ETFB: variants seen among roughly 807,000 people sequenced by gnomAD.
The protein encoded by ETFB is beta-ETF.
ETFB carries 20 observed loss-of-function variants against 25.6 expected under a neutral mutation model. The ratio of observed to expected loss-of-function variants is 0.78; its 90% CI spans 0.55 to 1.14. The LOEUF (loss-of-function observed/expected upper bound fraction) is 1.14, where lower values mean the gene tolerates loss of function less well. ETFB is among the 50% of genes most tolerant of loss of function. ETFB has a pLI of 0.00. For synonymous variants in ETFB, 142 were observed against 146.7 expected (o/e 0.97, Z 0.23); for missense variants, 286 against 342.6 (o/e 0.83, Z 1.30).
chr19:51,350,452 C>T, intron 3 of ETFB, 61 bp from the exon 4 acceptor site: 1 of 909,588 alleles, frequency 1.1e-6, no homozygotes, highest in Admixed American at 1.9e-5. Flanking sequence ...CCATTCAGGC[C>T]TCTGTCTAGA....
At chr19:51,365,548 G>A (rs1986336028) in intron 1 of ETFB, 1 of 154,192 alleles carries the variant, frequency 6.5e-6, no homozygotes, top group African/African-American at 2.4e-5. Flanking sequence ...GTCCAGTTCA[G>A]GCCAAGCATT....
chr19:51,354,241 C>A lies in ETFB; in HGVS notation c.125G>T (p.Cys42Phe). Residue 42 changes from cysteine (C) to phenylalanine (F), a missense_variant, in exon 2 of 6, where the codon TGT (cysteine) becomes TTT (phenylalanine). By Grantham distance (205) the Cys-to-Phe change is radical. Coordinates refer to ENST00000309244, the MANE Select transcript of ETFB (RefSeq NM_001985.3). Reference sequence around the variant, plus strand: ...CACAGCCTCCTCCACCGCGATCTCACAGAAGGGGTTCATGGAGTGCTTCAC... The same window carrying A: ...CACAGCCTCCTCCACCGCGATCTCAAAGAAGGGGTTCATGGAGTGCTTCAC... ...DGVKHSMNPF[C>F]EIAVEEAVRL... The A allele has an allele frequency of 6.2e-7, 1 of 1,614,226 alleles. No homozygotes were observed. Among genetic ancestry groups the A allele is most frequent in the South Asian group, 1.1e-5 (1 of 91,088 alleles).
chr19:51,351,384 C>A (rs554184688), intron 3 of ETFB, among the ~76,000 whole-genome samples: 2 of 152,358 alleles, frequency 1.3e-5, no homozygotes, highest in East Asian at 3.9e-4. Flanking sequence ...TGCCTGAAGC[C>A]CCTGATTTAC....
intron 4 of ETFB, 82 bp from the exon 5 acceptor site, chr19:51,347,140 T>C: frequency 1.4e-6 from 2 of 1,388,390 alleles, no homozygotes; most frequent in South Asian, 1.2e-5. Flanking sequence ...CACTACTGAG[T>C]ACACGCATGG....
intron 1 of ETFB, among the ~76,000 whole-genome samples, chr19:51,364,285 C>A (rs952424847): frequency 6.6e-6 from 1 of 152,080 alleles, no homozygotes; most frequent in Admixed American, 6.6e-5. Flanking sequence ...AGGAAGCTGG[C>A]AGGGTCTGAA....
chr19:51,351,877 G>A lies in ETFB; in HGVS notation c.375+1255C>T, dbSNP rs138775640. Among the ~76,000 whole-genome samples the A allele has an allele frequency of 4.3e-3, 661 of 151,998 alleles. 6 individuals are homozygous for A. Among genetic ancestry groups the A allele is most frequent in the African/African-American group, 0.014 (571 of 41,436 alleles). ...GAGCCTGCTGTGCTCTGCTGTCTCC[G>A]TGCTCTGCTTGACATACCTTGCAGT... On this transcript the variant is annotated intron_variant, in intron 3 of 5. Transcript: ENST00000309244.
chr19:51,366,132 C>T (rs1986358085), intron 1 of ETFB, 138 bp downstream of exon 1: 4 of 836,816 alleles, frequency 4.8e-6, no homozygotes, highest in Non-Finnish European at 8.1e-6. Context: ...GATTTTTGCC[C>T]TCAGGTGACT....
At chr19:51,358,884 A>G (rs1268811658) in intron 1 of ETFB, among the ~76,000 whole-genome samples, 2 of 151,610 alleles carry the variant, frequency 1.3e-5, no homozygotes, top group Non-Finnish European at 2.9e-5. Context: ...CTGTAGTCCC[A>G]GCTACTCAGG....
intron 1 of ETFB, 135 bp downstream of exon 1, chr19:51,366,135 A>G: frequency 2.4e-6 from 2 of 848,430 alleles, no homozygotes; most frequent in South Asian, 2.8e-5. Flanking sequence ...TTTTGCCCTC[A>G]GGTGACTTTG....
chr19:51,353,086 G>A (rs762508299), intron 3 of ETFB, 46 bp downstream of exon 3: 13 of 1,610,560 alleles, frequency 8.1e-6, no homozygotes, highest in African/African-American at 2.7e-5. Context: ...CCCTCCTCCC[G>A]AGCAGGGATG....
intron 1 of ETFB, chr19:51,354,856 G>A: frequency 1.8e-6 from 1 of 541,650 alleles, no homozygotes; most frequent in Non-Finnish European, 3.3e-6. Context: ...TGACTGACAG[G>A]CTCCCAGGAA....
chr19:51,360,667 G>A (rs1986198201), intron 1 of ETFB, among the ~76,000 whole-genome samples: 1 of 152,228 alleles, frequency 6.6e-6, no homozygotes, highest in South Asian at 2.1e-4. Flanking sequence ...GACTCTGAAA[G>A]AGGCTACGTG....
intron 5 of ETFB, 23 bp downstream of exon 5, chr19:51,346,877 G>T: frequency 1.3e-6 from 2 of 1,543,752 alleles, no homozygotes; most frequent in Non-Finnish European, 8.7e-7. Context: ...CAGGCCCTCA[G>T]TGCCCGCTGG....
chr19:51,352,990 G>C, intron 3 of ETFB, 142 bp downstream of exon 3: 2 of 985,222 alleles, frequency 2.0e-6, no homozygotes, highest in Non-Finnish European at 3.2e-6. Flanking sequence ...TCTGTCAGAA[G>C]GGTCAGCAAA....
chr19:51,353,078 C>T, intron 3 of ETFB, 54 bp downstream of exon 3: 1 of 1,609,414 alleles, frequency 6.2e-7, no homozygotes, highest in Non-Finnish European at 8.5e-7. Context: ...CTCCACCACC[C>T]TCCTCCCGAG....
rs370961463 is a variant in ETFB, at chr19:51,366,320, C to G, written c.7G>C (p.Glu3Gln). The change falls in exon 1 of 6, where the codon GAG (glutamate) becomes CAG (glutamine). Residue 3 changes from glutamate (E) to glutamine (Q), a missense_variant. Transcript: ENST00000309244. The stretch of plus-strand genomic sequence containing the variant: ...TTGACAGCTACGAGCACGCGCAGCT[C>G]CGCCATCTTCCCGCCGCAGCCACTT... MA[E>Q]LRVLVAVKRV... 1 of 1,611,320 alleles carries G rather than the reference C, an allele frequency of 6.2e-7. No individual in the cohort carries two copies. Among genetic ancestry groups the G allele is most frequent in the Non-Finnish European group, 8.5e-7 (1 of 1,179,294 alleles).
chr19:51,351,560 C>T (rs1394143348), intron 3 of ETFB, among the ~76,000 whole-genome samples: 1 of 152,248 alleles, frequency 6.6e-6, no homozygotes, highest in Admixed American at 6.5e-5. Flanking sequence ...AGTCTGAGAA[C>T]GACCAGCAAA....
At chr19:51,358,771 G>A (rs901057461) in intron 1 of ETFB, among the ~76,000 whole-genome samples, 10 of 151,566 alleles carry the variant, frequency 6.6e-5, no homozygotes, top group Admixed American at 4.6e-4. Flanking sequence ...ATTGCGCCAC[G>A]GCACTCCAGC....
intron 1 of ETFB, among the ~76,000 whole-genome samples, chr19:51,363,756 A>G (rs756130002): frequency 2.1e-4 from 32 of 152,062 alleles, no homozygotes; most frequent in Admixed American, 8.5e-4. Context: ...GCCGAGAATC[A>G]CTAGATTTTG....
Sources: gnomAD v4.1 joint callset for allele counts (sites outside exome capture counted in the v4.1 genomes callset) on GRCh38, gnomAD v4.1.1 for gene constraint, MANE v1.5 for transcripts, NCBI Gene and HGNC (gene_info 2026-07-23, HGNC 2026-07-21) for gene names.